The following GALNTL6 variants were observed in gnomAD, a reference collection of about 807,000 sequenced individuals.
GALNTL6 encodes the protein polypeptide N-acetylgalactosaminyltransferase like 6.
GALNTL6 carries 46 observed loss-of-function variants against 73.7 expected under a neutral mutation model. The ratio of observed to expected loss-of-function variants is 0.62; its 90% CI spans 0.49 to 0.80. GALNTL6 has a LOEUF of 0.80. Ranked by LOEUF, GALNTL6 falls within the 30% of genes least tolerant of loss-of-function variation. The probability of loss-of-function intolerance (pLI) is 0.00; values close to 1 mark genes in which losing one functional copy is unlikely to be tolerated. For missense variants in GALNTL6, 604 were observed against 755.0 expected, an observed-to-expected ratio of 0.80 and a Z score of 2.34; for synonymous variants, 259 against 263.7, an observed-to-expected ratio of 0.98 and a Z score of 0.17.
At chr4:172,676,611 G>A (rs142565601) in intron 5 of GALNTL6, among the ~76,000 whole-genome samples, 19 of 152,276 alleles carry the variant, frequency 1.2e-4, no homozygotes, top group African/African-American at 4.1e-4. Context: ...GCCCTTAAAA[G>A]TAGGGGTTAG....
chr4:171,953,434 G>A (rs1738949212), intron 2 of GALNTL6, among the ~76,000 whole-genome samples: 1 of 152,088 alleles, frequency 6.6e-6, no homozygotes, highest in South Asian at 2.1e-4. Flanking sequence ...CCCCTTATGT[G>A]TTGAAAATTC....
At position 172,280,598 on chromosome 4, in the gene GALNTL6, C is replaced by A. The variant is rs188117988; in HGVS notation, c.248-31016C>A. Among the ~76,000 whole-genome samples, 688 of 151,852 alleles carry A rather than the reference C, an allele frequency of 4.5e-3. 7 individuals are homozygous for A. Among genetic ancestry groups the A allele is most frequent in the African/African-American group, 0.016 (651 of 41,458 alleles). On this transcript the variant is annotated intron_variant, in intron 3 of 12. Coordinates refer to ENST00000506823, the MANE Select transcript of GALNTL6 (RefSeq NM_001034845.3). ...TTATATATATACTTTTAAAAGTTAC[C>A]ATTCAACACAGTTTCCTAGATTTTA...
At chr4:172,891,078 T>G (rs1746003713) in intron 8 of GALNTL6, among the ~76,000 whole-genome samples, 1 of 152,086 alleles carries the variant, frequency 6.6e-6, no homozygotes, top group Non-Finnish European at 1.5e-5. Flanking sequence ...ATGGGTGTCA[T>G]TACATGGGAG....
In GALNTL6 at chr4:172,138,411, CT is replaced by C. The variant is rs562028285; in HGVS notation, c.139-91236del. Among the ~76,000 whole-genome samples the C allele has an allele frequency of 7.6e-3, 784 of 102,916 alleles. 11 individuals are homozygous for C. Among genetic ancestry groups the C allele is most frequent in the African/African-American group, 0.026 (686 of 26,420 alleles). 67.5% of individuals were successfully genotyped at this position (102,916 alleles called of 152,430 possible). On this transcript the variant is annotated intron_variant, in intron 2 of 12. Transcript: ENST00000506823. ...TAGTCTATTGCTTTCCTTCATTTTC[CT>C]TTTTTTTTGCCAACTATCTCAGAGT...
chr4:172,169,604 G>T (rs139364176), intron 2 of GALNTL6, among the ~76,000 whole-genome samples: 178 of 152,152 alleles, frequency 1.2e-3, no homozygotes, highest in African/African-American at 4.1e-3. Flanking sequence ...AGGATAGAAA[G>T]ATACCTAAGC....
chr4:172,373,987 C>T (rs949919668), intron 5 of GALNTL6, among the ~76,000 whole-genome samples: 1 of 152,160 alleles, frequency 6.6e-6, no homozygotes, highest in African/African-American at 2.4e-5. Flanking sequence ...CATGAGCTGG[C>T]GCTTGCCCTG....
At chr4:172,018,774 C>T (rs1449563731) in intron 2 of GALNTL6, among the ~76,000 whole-genome samples, 1 of 152,116 alleles carries the variant, frequency 6.6e-6, no homozygotes, top group Non-Finnish European at 1.5e-5. Context: ...ATCAATATTA[C>T]TACAAAATTT....
chr4:172,228,179 A>G (rs901609815), intron 2 of GALNTL6, among the ~76,000 whole-genome samples: 2 of 152,142 alleles, frequency 1.3e-5, no homozygotes, highest in East Asian at 3.8e-4. Context: ...ATATATCCCC[A>G]AAACTGTACT....
At chr4:172,124,112 T>C (rs1230692367) in intron 2 of GALNTL6, among the ~76,000 whole-genome samples, 1 of 152,210 alleles carries the variant, frequency 6.6e-6, no homozygotes, top group Non-Finnish European at 1.5e-5. Flanking sequence ...CAAGAAAATT[T>C]GGTTATTTTT....
chr4:172,479,491 G>A (rs1733364989), intron 5 of GALNTL6, among the ~76,000 whole-genome samples: 1 of 152,206 alleles, frequency 6.6e-6, no homozygotes, highest in Non-Finnish European at 1.5e-5. Context: ...TTGCAAACAG[G>A]AGCTAAGCTA....
At chr4:172,655,729 C>T (rs1216217763) in intron 5 of GALNTL6, among the ~76,000 whole-genome samples, 1 of 151,998 alleles carries the variant, frequency 6.6e-6, no homozygotes, top group Non-Finnish European at 1.5e-5. Flanking sequence ...ATTTGATTCC[C>T]AAAACATATT....
chr4:172,042,856 T>C (rs904289881), intron 2 of GALNTL6, among the ~76,000 whole-genome samples: 1 of 81,430 alleles, frequency 1.2e-5, no homozygotes, highest in African/African-American at 4.4e-5. Context: ...CCGAGCAATC[T>C]TTAACAGTAA....
intron 2 of GALNTL6, among the ~76,000 whole-genome samples, chr4:171,904,985 C>T (rs989565467): frequency 9.2e-5 from 14 of 152,068 alleles, no homozygotes; most frequent in Admixed American, 9.2e-4. Flanking sequence ...AAAACAGCTC[C>T]TGAAGGAAGC....
At chr4:172,406,534 CA>C (rs1386559664) in intron 5 of GALNTL6, among the ~76,000 whole-genome samples, 1 of 151,950 alleles carries the variant, frequency 6.6e-6, no homozygotes, top group Non-Finnish European at 1.5e-5. Context: ...ATATTGTCTT[CA>C]AGAGAAAAAA....
chr4:172,771,285 T>A (rs1158896410), intron 5 of GALNTL6, among the ~76,000 whole-genome samples: 2 of 152,182 alleles, frequency 1.3e-5, no homozygotes, highest in Non-Finnish European at 2.9e-5. Context: ...TTTTCCTAAT[T>A]GAGAAGTTCG....
At chr4:172,171,158 G>A (rs973891666) in intron 2 of GALNTL6, among the ~76,000 whole-genome samples, 2 of 152,172 alleles carry the variant, frequency 1.3e-5, no homozygotes, top group Non-Finnish European at 2.9e-5. Flanking sequence ...ATCAAAGTCA[G>A]TGTTTGGACT....
intron 7 of GALNTL6, among the ~76,000 whole-genome samples, chr4:172,863,690 T>G (rs551838318): frequency 6.6e-6 from 1 of 151,910 alleles, no homozygotes; most frequent in Non-Finnish European, 1.5e-5. Flanking sequence ...TTGAACTGTG[T>G]ACTTTTGAGT....
At chr4:172,093,020 C>T (rs1260690111) in intron 2 of GALNTL6, among the ~76,000 whole-genome samples, 3 of 151,532 alleles carry the variant, frequency 2.0e-5, no homozygotes, top group African/African-American at 7.3e-5. Flanking sequence ...ACTACAGGCG[C>T]CCACCACCAC....
chr4:172,455,752 G>T (rs1732373229), intron 5 of GALNTL6, among the ~76,000 whole-genome samples: 1 of 152,162 alleles, frequency 6.6e-6, no homozygotes, highest in Non-Finnish European at 1.5e-5. Context: ...CCTAGGGGAG[G>T]GGGCAGCTGT....
Sources: allele counts gnomAD v4.1 joint callset (sites outside exome capture counted in the v4.1 genomes callset), GRCh38; gene constraint gnomAD v4.1.1; transcripts MANE v1.5; gene names NCBI Gene and HGNC (gene_info 2026-07-23, HGNC 2026-07-21).